Variants in RANBP2 observed in about 807,000 individuals in gnomAD.
The protein encoded by RANBP2 is RAN binding protein 2, also known as E3 SUMO-protein ligase RanBP2.
RANBP2 carries 57 observed loss-of-function variants against 303.6 expected under a neutral mutation model. The observed-to-expected ratio is 0.19, with a 90% confidence interval of 0.15 to 0.23. The LOEUF (loss-of-function observed/expected upper bound fraction) is 0.23. Ranked by LOEUF, RANBP2 falls within the 10% of genes least tolerant of loss-of-function variation. RANBP2 has a pLI of 1.00. For missense variants in RANBP2, 3,138 were observed against 3,780.8 expected (o/e 0.83, Z 4.46); for synonymous variants, 1,167 against 1,301.5 (o/e 0.90, Z 2.23).
chr2:109,205,542 C>T, the RANBP2 span, among the ~76,000 whole-genome samples: 1 of 152,122 alleles, frequency 6.6e-6, no homozygotes, highest in Non-Finnish European at 1.5e-5. Context: ...ACCACTGTGC[C>T]CCGCCCAACT....
the RANBP2 span, among the ~76,000 whole-genome samples, chr2:109,439,000 A>G: frequency 6.6e-6 from 1 of 152,210 alleles, no homozygotes; most frequent in Non-Finnish European, 1.5e-5. Context: ...ATCCCAGTGC[A>G]GTGGCCCTGG....
the RANBP2 span, among the ~76,000 whole-genome samples, chr2:109,599,183 C>T: frequency 2.6e-5 from 4 of 152,032 alleles, no homozygotes; most frequent in Admixed American, 6.6e-5. Flanking sequence ...GGAGGCCGGG[C>T]GCGGTGGCTC....
the RANBP2 span, among the ~76,000 whole-genome samples, chr2:109,199,582 T>TTAACC: frequency 8.3e-3 from 4 of 480 alleles, no homozygotes; most frequent in Admixed American, 0.017. Context: ...TGGAATGGAA[T>TTAACC]GGAATGGAAT....
At chr2:109,013,153 T>C in the RANBP2 span, among the ~76,000 whole-genome samples, 1 of 152,220 alleles carries the variant, frequency 6.6e-6, no homozygotes, top group East Asian at 1.9e-4. Flanking sequence ...GTTTCTCTAC[T>C]TCTAATGACA....
At chr2:108,997,029 G>T in the RANBP2 span, among the ~76,000 whole-genome samples, 1 of 152,230 alleles carries the variant, frequency 6.6e-6, no homozygotes, top group African/African-American at 2.4e-5. Flanking sequence ...CAGTGTTTTT[G>T]TGTGTCCAGG....
chr2:109,571,578 T>C, the RANBP2 span, among the ~76,000 whole-genome samples: 6 of 152,280 alleles, frequency 3.9e-5, no homozygotes, highest in Middle Eastern at 3.4e-3. Context: ...TATAATACAG[T>C]ACAGTAAAAA....
chr2:108,831,930 A>T, the RANBP2 span, among the ~76,000 whole-genome samples: 1 of 151,598 alleles, frequency 6.6e-6, no homozygotes, highest in South Asian at 2.1e-4. Context: ...ATGGGGTTTC[A>T]CCATGTTGAC....
chr2:108,831,666 G>T, the RANBP2 span, among the ~76,000 whole-genome samples: 1 of 148,466 alleles, frequency 6.7e-6, no homozygotes, highest in Non-Finnish European at 1.5e-5. Context: ...TCTATCCCTG[G>T]AATCTGATTT....
the RANBP2 span, among the ~76,000 whole-genome samples, chr2:109,212,999 G>A: frequency 1.3e-5 from 2 of 152,222 alleles, no homozygotes; most frequent in Non-Finnish European, 2.9e-5. Context: ...TGTGCTGAGC[G>A]GTGTGCAGGT....
chr2:109,086,075 G>C, the RANBP2 span, among the ~76,000 whole-genome samples: 31,769 of 152,174 alleles, frequency 0.21, 5,286 homozygotes, highest in East Asian at 0.64. Flanking sequence ...ACGTCCTCAA[G>C]TTTCATCCAT....
chr2:109,427,970 T>A, the RANBP2 span, among the ~76,000 whole-genome samples: 2 of 152,252 alleles, frequency 1.3e-5, no homozygotes, highest in African/African-American at 4.8e-5. Context: ...CTGCAGCTCC[T>A]GGTCGCCTCT....
At chr2:109,765,930 A>G in the RANBP2 span, among the ~76,000 whole-genome samples, 3 of 150,160 alleles carry the variant, frequency 2.0e-5, no homozygotes, top group African/African-American at 7.4e-5. Flanking sequence ...AGGTGCCTCT[A>G]CCCTTTCCTC....
chr2:109,179,892 A>C, the RANBP2 span, among the ~76,000 whole-genome samples: 26 of 152,192 alleles, frequency 1.7e-4, no homozygotes, highest in Admixed American at 7.2e-4. Flanking sequence ...GCAGGAAAAT[A>C]CAGGGGTCAA....
the RANBP2 span, among the ~76,000 whole-genome samples, chr2:109,307,405 G>T: frequency 1.3e-5 from 2 of 150,258 alleles, no homozygotes; most frequent in Non-Finnish European, 2.9e-5. Flanking sequence ...CGGAAGCTTG[G>T]AGCAGATAAG....
chr2:109,329,651 A>C, the RANBP2 span, among the ~76,000 whole-genome samples: 1 of 152,230 alleles, frequency 6.6e-6, no homozygotes, highest in Non-Finnish European at 1.5e-5. Flanking sequence ...AGAGATTTGC[A>C]CATTTCTAGA....
chr2:109,198,211 A>T, the RANBP2 span, among the ~76,000 whole-genome samples: 1 of 152,180 alleles, frequency 6.6e-6, no homozygotes, highest in African/African-American at 2.4e-5. Context: ...TGGCCTGCAT[A>T]GGTTGTAAAT....
At chr2:109,278,588 G>A in the RANBP2 span, among the ~76,000 whole-genome samples, 3 of 152,186 alleles carry the variant, frequency 2.0e-5, no homozygotes, top group African/African-American at 4.8e-5. Flanking sequence ...AGGAGTCAGC[G>A]GCATATAGGA....
the RANBP2 span, among the ~76,000 whole-genome samples, chr2:109,435,871 G>A: frequency 6.6e-6 from 1 of 152,196 alleles, no homozygotes; most frequent in African/African-American, 2.4e-5. Context: ...AAGCTTGATT[G>A]CTGGGTGAAG....
chr2:109,369,490 G>A, the RANBP2 span, among the ~76,000 whole-genome samples: 16 of 152,336 alleles, frequency 1.1e-4, no homozygotes, highest in Middle Eastern at 3.4e-3. Flanking sequence ...TGCTCTTTAC[G>A]TTTTTCTGGC....
Sources: allele counts gnomAD v4.1 joint callset (sites outside exome capture counted in the v4.1 genomes callset), GRCh38; gene constraint gnomAD v4.1.1; transcripts MANE v1.5; gene names NCBI Gene and HGNC (gene_info 2026-07-23, HGNC 2026-07-21).